PIK3R6: variants seen among roughly 807,000 people sequenced by gnomAD.
PIK3R6 encodes the protein phosphoinositide 3-kinase regulatory subunit 6.
In PIK3R6, 91 loss-of-function variants were observed where a neutral mutation model predicts 84.9. That is an observed-to-expected ratio of 1.07 (90% CI 0.90 to 1.28). The LOEUF is 1.28. Ranked by LOEUF, PIK3R6 falls within the 50% of genes most tolerant of loss-of-function variation. The pLI is 0.00. For missense variants in PIK3R6, 996 were observed against 985.1 expected, an observed-to-expected ratio of 1.01 and a Z score of -0.15; for synonymous variants, 416 against 411.4, an observed-to-expected ratio of 1.01 and a Z score of -0.13.
intron 8 of PIK3R6, among the ~76,000 whole-genome samples, chr17:8,834,844 G>GTT (rs35887127): frequency 6.8e-6 from 1 of 147,148 alleles, no homozygotes; most frequent in African/African-American, 2.5e-5. Context: ...CTTATTATTG[G>GTT]TTTTTTTTTT....
chr17:8,837,011 C>A lies in PIK3R6; in HGVS notation c.259-88G>T, dbSNP rs746522850. 20 of 953,764 alleles carry A rather than the reference C, an allele frequency of 2.1e-5. 1 individual carries two copies. The African/African-American group carries it at 3.0e-4, about 14-fold the overall frequency. The allele number at this position is 953,764 out of a possible 1,614,324, so 59.1% of individuals were successfully genotyped here. A position where few individuals can be genotyped will look rare whatever the true frequency, so the allele number is the denominator to read the frequency against. On this transcript the variant is annotated intron_variant, in intron 5 of 19. Transcript: ENST00000619866. The stretch of plus-strand genomic sequence containing the variant: ...AGGTGAAGGGTCCCGGGGGAGTTTC[C>A]GGGGAGGGGCTTGGGAGAAGAGGTG...
chr17:8,803,474 C>A lies in PIK3R6; in HGVS notation c.2109-45G>T, dbSNP rs767139189. 6.5e-7 allele frequency: 1 copy of A among 1,549,878 alleles called. No individual in the cohort carries two copies. The highest frequency in any genetic ancestry group is 8.7e-7 in the Non-Finnish European group (1 of 1,147,458). ...AGCTCAGGTGACCCATCTGAGGGAT[C>A]AGATTGCCTAGGGCATTTGAAAGGC... On this transcript the variant is annotated intron_variant, in intron 19 of 19. Coordinates refer to ENST00000619866, the MANE Select transcript of PIK3R6 (RefSeq NM_001010855.4). The surrounding 1 kb of genome is among the most constrained non-coding windows in gnomAD (Gnocchi z 5.0).
At chr17:8,832,712 C>T (rs1016644832) in intron 9 of PIK3R6, among the ~76,000 whole-genome samples, 177 bp downstream of exon 9, 1 of 152,112 alleles carries the variant, frequency 6.6e-6, no homozygotes, top group Admixed American at 6.5e-5. Context: ...CCTAATTACC[C>T]GCCTCTTAGT....
Position 8,838,646 on chromosome 17 carries a change from C to T in PIK3R6, c.107G>A (p.Arg36Lys). 6.2e-7 allele frequency: 1 copy of T among 1,600,252 alleles called. No homozygotes were observed. ...CTCGACCTTCTTGTGCAGGGACCAC[C>T]TCCACATGCCTGGGCCAGGAGAAAG... ...PALQSNQGMWRWSLHKKVERD... is the reference protein window; with the variant it reads ...PALQSNQGMWKWSLHKKVERD... The change falls in exon 4 of 20, where the codon AGG (arginine) becomes AAG (lysine). Residue 36 changes from arginine to lysine, a missense_variant. Arg to Lys is a conservative substitution (Grantham distance 26, BLOSUM62 2). Transcript: ENST00000619866.
chr17:8,822,661 T>C lies in PIK3R6; in HGVS notation c.1718-4A>G, dbSNP rs752044671. 5.6e-6 allele frequency: 9 copies of C among 1,613,706 alleles called. No individual in the cohort carries two copies. The African/African-American group carries it at 1.2e-4, about 22-fold the overall frequency. On this transcript the variant is annotated splice_polypyrimidine_tract_variant and splice_region_variant and intron_variant, in intron 15 of 19. Coordinates refer to ENST00000619866, the MANE Select transcript of PIK3R6 (RefSeq NM_001010855.4). ...CTCCTCCTGGGTGAAAAGCCATCTG[T>C]GGGGAGATGAGAAGAGGCTTGGGGT...
intron 1 of PIK3R6, among the ~76,000 whole-genome samples, chr17:8,864,226 T>C (rs1476642835): frequency 6.6e-6 from 1 of 152,150 alleles, no homozygotes; most frequent in Non-Finnish European, 1.5e-5. Flanking sequence ...TGGGCAGGTT[T>C]GTTTGCAGCT....
chr17:8,829,283 A>AC (rs2088090900), intron 10 of PIK3R6, among the ~76,000 whole-genome samples: 1 of 130,472 alleles, frequency 7.7e-6, no homozygotes, highest in African/African-American at 3.0e-5. Context: ...TGACACACAC[A>AC]CGCATCATGC....
chr17:8,858,411 G>A (rs2089195911), intron 1 of PIK3R6, among the ~76,000 whole-genome samples: 1 of 149,492 alleles, frequency 6.7e-6, no homozygotes, highest in African/African-American at 2.5e-5. Flanking sequence ...CCGCCTCCTG[G>A]GTTCAAACGA....
chr17:8,810,620 G>A (rs2087331339), intron 18 of PIK3R6, among the ~76,000 whole-genome samples: 1 of 148,478 alleles, frequency 6.7e-6, no homozygotes, highest in Admixed American at 6.8e-5. Flanking sequence ...AGTGAAAACA[G>A]CCATTCCAAA....
intron 1 of PIK3R6, among the ~76,000 whole-genome samples, chr17:8,860,635 A>G (rs915598068): frequency 1.3e-5 from 2 of 152,190 alleles, no homozygotes; most frequent in Non-Finnish European, 2.9e-5. Flanking sequence ...AACATTTAAA[A>G]GTCATATTTC....
rs1221008896 is a variant in PIK3R6 at position 8,836,962 on chromosome 17, G to T, written c.259-39C>A. On this transcript the variant is annotated intron_variant, in intron 5 of 19. Transcript: ENST00000619866. ...AGGAGGGGGAGGTGAGAGGGAGGAG[G>T]TGGAGGTAAGAGGGAGGAGGGGGAG... 14 of 1,446,642 alleles carry T rather than the reference G, an allele frequency of 9.7e-6. 1 individual carries two copies. In the Admixed American group the frequency reaches 1.8e-4, roughly 18 times the overall value. 89.6% of individuals were successfully genotyped at this position (1,446,642 alleles called of 1,614,324 possible). A position where few individuals can be genotyped will look rare whatever the true frequency, so the allele number is the denominator to read the frequency against.
At chr17:8,859,592 C>A (rs1427201755) in intron 1 of PIK3R6, among the ~76,000 whole-genome samples, 1 of 152,134 alleles carries the variant, frequency 6.6e-6, no homozygotes, top group Non-Finnish European at 1.5e-5. Context: ...CTGCCCTCAG[C>A]CATGTGGGTG....
chr17:8,804,744 G>C (rs1265696850), intron 18 of PIK3R6, among the ~76,000 whole-genome samples: 2 of 152,142 alleles, frequency 1.3e-5, no homozygotes, highest in African/African-American at 4.8e-5. Context: ...AGCATTGTGG[G>C]TTCCAGGTGG....
At chr17:8,852,963 A>T (rs2089014465) in intron 1 of PIK3R6, among the ~76,000 whole-genome samples, 1 of 152,180 alleles carries the variant, frequency 6.6e-6, no homozygotes, top group African/African-American at 2.4e-5. Context: ...ATCTGAAGGG[A>T]AATATTGGAC....
intron 1 of PIK3R6, 25 bp from the exon 2 acceptor site, chr17:8,849,910 A>T: frequency 7.3e-7 from 1 of 1,376,898 alleles, no homozygotes; most frequent in East Asian, 2.5e-5. Context: ...GTAGTTAATT[A>T]GTGGAAGCAG....
rs965318546 is a variant in PIK3R6, at chr17:8,842,717, A to G, written c.14-3020T>C. 1.3e-5 allele frequency among the ~76,000 whole-genome samples: 2 copies of G among 152,066 alleles called. No individual in the cohort carries two copies. Among genetic ancestry groups the G allele is most frequent in the Non-Finnish European group, 2.9e-5 (2 of 68,028 alleles). On this transcript the variant is annotated intron_variant, in intron 2 of 19. Transcript: ENST00000619866. The surrounding 1 kb of genome is among the most constrained non-coding windows in gnomAD (Gnocchi z 4.5). ...CCAAGGGTTCCTCTTTGACTGGGCT[A>G]TCAGGAAACTTACGGTCAAATTGGG...
intron 2 of PIK3R6, 68 bp downstream of exon 2, chr17:8,849,714 A>G (rs748808477): frequency 8.4e-5 from 128 of 1,532,320 alleles, no homozygotes; most frequent in Non-Finnish European, 1.0e-4. Context: ...AGGCATCCTC[A>G]CCCATGAGAA....
chr17:8,855,920 G>T (rs2089129036), intron 1 of PIK3R6, among the ~76,000 whole-genome samples: 2 of 152,132 alleles, frequency 1.3e-5, no homozygotes, highest in African/African-American at 4.8e-5. Flanking sequence ...CCCCAAACTG[G>T]AAACAACACA....
chr17:8,856,496 G>C (rs1012032652), intron 1 of PIK3R6, among the ~76,000 whole-genome samples: 2 of 152,212 alleles, frequency 1.3e-5, no homozygotes, highest in Admixed American at 1.3e-4. Flanking sequence ...CAGCTACCCG[G>C]GAGGCTGAAG....
Sources: gnomAD v4.1 joint callset for allele counts (sites outside exome capture counted in the v4.1 genomes callset) on GRCh38, gnomAD v4.1.1 for gene constraint, Gnocchi (gnomAD v3.1) non-coding constraint, MANE v1.5 for transcripts, NCBI Gene and HGNC (gene_info 2026-07-23, HGNC 2026-07-21) for gene names.